MCF2L2: variants seen among roughly 807,000 people sequenced by gnomAD.
MCF2L2 encodes the protein MCF.2 cell line derived transforming sequence-like 2, also known as probable guanine nucleotide exchange factor MCF2L2.
Under a neutral mutation model 150.2 loss-of-function variants are expected in MCF2L2, and 102 were observed. The ratio of observed to expected loss-of-function variants is 0.68; its 90% CI spans 0.58 to 0.80. The LOEUF is 0.80. MCF2L2 is among the 30% of genes least tolerant of loss of function. The pLI is 0.00. For missense variants in MCF2L2, 1,256 were observed against 1,372.8 expected, an observed-to-expected ratio of 0.91 and a Z score of 1.34; for synonymous variants, 465 against 491.3, an observed-to-expected ratio of 0.95 and a Z score of 0.71.
At chr3:183,207,463 G>A in intron 23 of MCF2L2, 145 bp downstream of exon 23, 1 of 651,468 alleles carries the variant, frequency 1.5e-6, no homozygotes, top group Non-Finnish European at 2.7e-6. Flanking sequence ...GACAGACCCG[G>A]CTATGGATTC....
intron 15 of MCF2L2, chr3:183,265,171 A>T (rs1488336452): frequency 2.0e-5 from 3 of 152,210 alleles, no homozygotes; most frequent in African/African-American, 7.2e-5. Context: ...TTGCAGATTA[A>T]AGCACCGAAT....
At chr3:183,269,686 G>A in intron 15 of MCF2L2, 1 of 937,992 alleles carries the variant, frequency 1.1e-6, no homozygotes, top group Non-Finnish European at 1.6e-6. Context: ...CATTTTTAAT[G>A]ACCAACATGT....
chr3:183,178,974 C>A lies in MCF2L2; in HGVS notation c.*406G>T, dbSNP rs1206463396. ...CGTGTCTGCAGGCATTTTTGATTGT[C>A]ACGATTTGGGGGCGGGGTGGAGGAT... On this transcript the variant is annotated 3_prime_UTR_variant, in exon 30 of 30. Coordinates refer to ENST00000328913, the MANE Select transcript of MCF2L2 (RefSeq NM_015078.4). 1.2e-5 allele frequency: 2 copies of A among 164,138 alleles called. No homozygotes were observed. Among genetic ancestry groups the A allele is most frequent in the Non-Finnish European group, 2.6e-5 (2 of 76,316 alleles). 10.2% of individuals were successfully genotyped at this position (164,138 alleles called of 1,614,324 possible). A position where few individuals can be genotyped will look rare whatever the true frequency, so the allele number is the denominator to read the frequency against.
chr3:183,198,230 A>C (rs1722140497), intron 25 of MCF2L2, among the ~76,000 whole-genome samples: 1 of 152,224 alleles, frequency 6.6e-6, no homozygotes, highest in African/African-American at 2.4e-5. Context: ...CTAGCCAAAC[A>C]ATGAAATACT....
At position 183,283,647 on chromosome 3, in the gene MCF2L2, G is replaced by C. The variant is rs1727630359; in HGVS notation, c.1776+5473C>G. On this transcript the variant is annotated intron_variant, in intron 14 of 29. Transcript: ENST00000328913. The surrounding 1 kb of genome is among the most constrained non-coding windows in gnomAD (Gnocchi z 4.2). The stretch of plus-strand genomic sequence containing the variant: ...AGTGATTCTCCTGCCTCAGCCTCCT[G>C]AGTAGCTGGGATTACAGGTGCCCGC... 6.6e-6 allele frequency among the ~76,000 whole-genome samples: 1 copy of C among 151,904 alleles called. No individual in the cohort carries two copies.
At chr3:183,246,343 T>G (rs1364799987) in intron 15 of MCF2L2, among the ~76,000 whole-genome samples, 1 of 152,162 alleles carries the variant, frequency 6.6e-6, no homozygotes, top group Non-Finnish European at 1.5e-5. Flanking sequence ...AAACATGACC[T>G]CATTCTCCAC....
chr3:183,243,743 G>T (rs1268829216), intron 15 of MCF2L2, among the ~76,000 whole-genome samples: 1 of 152,182 alleles, frequency 6.6e-6, no homozygotes, highest in African/African-American at 2.4e-5. Flanking sequence ...TTGCATAAGT[G>T]TTTGAACAGT....
chr3:183,182,393 C>T (rs959131742), intron 27 of MCF2L2: 4 of 152,192 alleles, frequency 2.6e-5, no homozygotes, highest in Non-Finnish European at 4.4e-5. Context: ...TTTCCATACA[C>T]CTTAGAGTGC....
intron 2 of MCF2L2, among the ~76,000 whole-genome samples, chr3:183,382,947 C>G (rs189576786): frequency 6.6e-6 from 1 of 152,162 alleles, no homozygotes; most frequent in South Asian, 2.1e-4. Flanking sequence ...TCCTACTGCT[C>G]TTTGCCTTCC....
At chr3:183,368,421 G>A (rs1401543452) in intron 3 of MCF2L2, among the ~76,000 whole-genome samples, 1 of 152,140 alleles carries the variant, frequency 6.6e-6, no homozygotes, top group Non-Finnish European at 1.5e-5. Context: ...TTGCTTTTGA[G>A]CTACAACAGT....
intron 13 of MCF2L2, among the ~76,000 whole-genome samples, chr3:183,290,261 CT>C (rs368160804): frequency 2.0e-4 from 30 of 152,172 alleles, no homozygotes; most frequent in African/African-American, 7.2e-4. Flanking sequence ...CTCTTGGCCA[CT>C]CTATCTCCCT....
intron 3 of MCF2L2, among the ~76,000 whole-genome samples, chr3:183,363,910 T>C (rs931297536): frequency 3.9e-5 from 6 of 152,182 alleles, no homozygotes; most frequent in Admixed American, 3.9e-4. Context: ...TCTTCTAAAG[T>C]ACACATGGAA....
At chr3:183,295,516 C>G in intron 12 of MCF2L2, 39 bp from the exon 13 acceptor site, 1 of 1,594,522 alleles carries the variant, frequency 6.3e-7, no homozygotes, top group Non-Finnish European at 8.6e-7. Context: ...ACAGGTCTCT[C>G]TGTATACAGC....
At chr3:183,346,921 T>A (rs144427245) in intron 3 of MCF2L2, among the ~76,000 whole-genome samples, 1 of 152,052 alleles carries the variant, frequency 6.6e-6, no homozygotes, top group African/African-American at 2.4e-5. Flanking sequence ...CCCAAACAAA[T>A]GGAAAAACAT....
intron 15 of MCF2L2, chr3:183,269,731 TTC>T: frequency 7.0e-7 from 1 of 1,419,620 alleles, no homozygotes; most frequent in Non-Finnish European, 9.6e-7. Flanking sequence ...AAACACGAAG[TTC>T]TATGGTCTCG....
At chr3:183,263,955 C>T (rs1279134586) in intron 15 of MCF2L2, among the ~76,000 whole-genome samples, 2 of 152,116 alleles carry the variant, frequency 1.3e-5, no homozygotes, top group African/African-American at 4.8e-5. Flanking sequence ...AGGCCTTCCT[C>T]ACCTCATCCG....
chr3:183,340,196 G>A (rs1168681107), intron 4 of MCF2L2, among the ~76,000 whole-genome samples: 2 of 152,210 alleles, frequency 1.3e-5, no homozygotes, highest in African/African-American at 4.8e-5. Context: ...AAGACGGAAA[G>A]TATTAGCTGA....
At chr3:183,386,192 G>C (rs1285776609) in intron 2 of MCF2L2, among the ~76,000 whole-genome samples, 2 of 152,224 alleles carry the variant, frequency 1.3e-5, no homozygotes, top group African/African-American at 4.8e-5. Context: ...CCTACTGGTT[G>C]TGTTGGAATG....
chr3:183,217,806 A>C (rs1201046634), intron 21 of MCF2L2, among the ~76,000 whole-genome samples: 1 of 152,142 alleles, frequency 6.6e-6, no homozygotes, highest in Non-Finnish European at 1.5e-5. Flanking sequence ...CCCGAACATA[A>C]AGACTCAGCA....
Sources: allele counts gnomAD v4.1 joint callset (sites outside exome capture counted in the v4.1 genomes callset), GRCh38; gene constraint gnomAD v4.1.1; non-coding constraint Gnocchi (gnomAD v3.1); transcripts MANE v1.5; gene names NCBI Gene and HGNC (gene_info 2026-07-23, HGNC 2026-07-21).